DLG2: variants seen among roughly 807,000 people sequenced by gnomAD.
DLG2 encodes discs large MAGUK scaffold protein 2, also known as disks large homolog 2.
A neutral mutation model predicts 132.5 loss-of-function variants in DLG2; 45 were observed. The ratio of observed to expected loss-of-function variants is 0.34; its 90% confidence interval spans 0.27 to 0.44. The LOEUF (loss-of-function observed/expected upper bound fraction) is 0.44. Ranked by LOEUF, DLG2 falls within the 20% of genes least tolerant of loss-of-function variation. DLG2 has a pLI of 1.00. For missense variants in DLG2, 1,045 were observed against 1,196.9 expected, an observed-to-expected ratio of 0.87 and a Z score of 1.87; for synonymous variants, 424 against 419.6, an observed-to-expected ratio of 1.01 and a Z score of -0.13.
chr11:84,765,083 C>T (rs960260278), intron 6 of DLG2, among the ~76,000 whole-genome samples: 2 of 152,048 alleles, frequency 1.3e-5, no homozygotes, highest in African/African-American at 2.4e-5. Context: ...TTGTATATTA[C>T]CTTTTAGTAT....
At chr11:84,873,417 G>T (rs1412790548) in intron 6 of DLG2, among the ~76,000 whole-genome samples, 3 of 152,146 alleles carry the variant, frequency 2.0e-5, no homozygotes, top group Non-Finnish European at 4.4e-5. Context: ...ACTCATTTTT[G>T]ACTTCTGACT....
chr11:85,031,735 C>T (rs764210395), intron 6 of DLG2, among the ~76,000 whole-genome samples: 20 of 152,032 alleles, frequency 1.3e-4, no homozygotes, highest in Non-Finnish European at 2.6e-4. Context: ...GAATTGGAGT[C>T]TCTGTGTTAA....
At chr11:84,332,876 G>GC (rs1211683265) in intron 7 of DLG2, among the ~76,000 whole-genome samples, 1 of 152,154 alleles carries the variant, frequency 6.6e-6, no homozygotes, top group Non-Finnish European at 1.5e-5. Flanking sequence ...ATGGCAGGCA[G>GC]CCCCCCTTTC....
intron 17 of DLG2, among the ~76,000 whole-genome samples, chr11:83,820,562 C>G (rs1277929645): frequency 6.6e-6 from 1 of 152,116 alleles, no homozygotes; most frequent in East Asian, 1.9e-4. Flanking sequence ...TACCTGCTTT[C>G]AGAGTGATTT....
intron 4 of DLG2, among the ~76,000 whole-genome samples, chr11:85,242,084 G>A (rs73525474): frequency 7.9e-4 from 120 of 151,988 alleles, no homozygotes; most frequent in African/African-American, 2.7e-3. Flanking sequence ...ACCTGCCTCT[G>A]TCCCAAAGAG....
At chr11:84,790,125 T>C (rs61897875) in intron 6 of DLG2, among the ~76,000 whole-genome samples, 1,688 of 152,336 alleles carry the variant, frequency 0.011, 15 homozygotes, top group Non-Finnish European at 0.018. Flanking sequence ...CTGGATTATA[T>C]GGTAGCTCTA....
chr11:85,054,418 C>G (rs973125441), intron 6 of DLG2, among the ~76,000 whole-genome samples: 2 of 152,142 alleles, frequency 1.3e-5, no homozygotes, highest in Non-Finnish European at 2.9e-5. Flanking sequence ...ATACACTGCT[C>G]GTGAGAATGT....
At chr11:84,668,645 T>A (rs1299522183) in intron 6 of DLG2, among the ~76,000 whole-genome samples, 1 of 152,122 alleles carries the variant, frequency 6.6e-6, no homozygotes, top group Non-Finnish European at 1.5e-5. Flanking sequence ...TTCAAAACAT[T>A]CCTTCATCCC....
intron 6 of DLG2, among the ~76,000 whole-genome samples, chr11:85,085,584 T>C (rs1201246104): frequency 1.3e-5 from 2 of 152,134 alleles, no homozygotes; most frequent in Non-Finnish European, 2.9e-5. Context: ...TAATGTTTAT[T>C]TTAAAAGTAG....
At chr11:84,246,727 A>G (rs1289720378) in intron 8 of DLG2, among the ~76,000 whole-genome samples, 1 of 152,200 alleles carries the variant, frequency 6.6e-6, no homozygotes, top group Admixed American at 6.5e-5. Flanking sequence ...ATTCATGTAT[A>G]TAGGATTTGG....
At chr11:83,745,134 TG>T (rs572850223) in intron 18 of DLG2, among the ~76,000 whole-genome samples, 5 of 152,220 alleles carry the variant, frequency 3.3e-5, no homozygotes, top group Non-Finnish European at 7.3e-5. Context: ...CTGCTCATCC[TG>T]AGGTTCTTTT....
intron 6 of DLG2, among the ~76,000 whole-genome samples, chr11:85,061,522 G>C (rs1458469526): frequency 6.6e-6 from 1 of 151,716 alleles, no homozygotes; most frequent in East Asian, 1.9e-4. Context: ...AGTTTGAAGG[G>C]ATGTGTCAGT....
intron 7 of DLG2, among the ~76,000 whole-genome samples, chr11:84,483,597 C>A (rs945046466): frequency 6.6e-6 from 1 of 152,018 alleles, no homozygotes; most frequent in African/African-American, 2.4e-5. Flanking sequence ...GACCTGAGCT[C>A]CTCCAAACAC....
chr11:85,074,769 G>A (rs753749032), intron 6 of DLG2, among the ~76,000 whole-genome samples: 4 of 151,748 alleles, frequency 2.6e-5, no homozygotes, highest in South Asian at 2.1e-4. Context: ...GCTTTTGTGC[G>A]GAGGAACCAT....
At chr11:84,131,558 G>C (rs2094424630) in intron 9 of DLG2, among the ~76,000 whole-genome samples, 1 of 151,888 alleles carries the variant, frequency 6.6e-6, no homozygotes, top group South Asian at 2.1e-4. Flanking sequence ...TCTCAGTCAA[G>C]TATTAGGGCA....
At chr11:83,701,798 G>A (rs1003543020) in intron 18 of DLG2, among the ~76,000 whole-genome samples, 1 of 152,200 alleles carries the variant, frequency 6.6e-6, no homozygotes, top group African/African-American at 2.4e-5. Flanking sequence ...AGGGAAAGAA[G>A]TCTAGTATGA....
chr11:83,761,096 G>A, intron 18 of DLG2, among the ~76,000 whole-genome samples: 2 of 152,278 alleles, frequency 1.3e-5, no homozygotes, highest in South Asian at 4.1e-4. Context: ...AAGCTGATAA[G>A]CATGGAGCAC....
At chr11:84,780,318 A>G (rs1443206551) in intron 6 of DLG2, among the ~76,000 whole-genome samples, 2 of 152,250 alleles carry the variant, frequency 1.3e-5, no homozygotes, top group Admixed American at 6.5e-5. Context: ...AGCATTTAAT[A>G]AAATTCAGCA....
intron 7 of DLG2, among the ~76,000 whole-genome samples, chr11:84,310,940 C>T (rs1416080751): frequency 2.0e-5 from 3 of 152,176 alleles, no homozygotes; most frequent in Non-Finnish European, 4.4e-5. Context: ...CTAAATATTT[C>T]GAACACAGTT....
Sources: allele counts gnomAD v4.1 joint callset (sites outside exome capture counted in the v4.1 genomes callset), GRCh38; gene constraint gnomAD v4.1.1; transcripts MANE v1.5; gene names NCBI Gene and HGNC (gene_info 2026-07-23, HGNC 2026-07-21).